CNNM3: variants seen among roughly 807,000 people sequenced by gnomAD.
CNNM3 encodes the protein cyclin and CBS domain divalent metal cation transport mediator 3, also known as metal transporter CNNM3.
CNNM3 carries 47 observed loss-of-function variants against 57.1 expected under a neutral mutation model. The observed-to-expected ratio is 0.82, with a 90% CI of 0.65 to 1.05. The LOEUF is 1.05. CNNM3 is among the 50% of genes least tolerant of loss of function. The pLI is 0.00. For synonymous variants in CNNM3, 507 were observed against 478.2 expected, an observed-to-expected ratio of 1.06 and a Z score of -0.79; for missense variants, 957 against 973.7, an observed-to-expected ratio of 0.98 and a Z score of 0.23.
rs1178013028 is a variant in CNNM3 at position 96,827,877 on chromosome 2, G to T, written c.1666G>T (p.Asp556Tyr). The T allele has an allele frequency of 6.2e-7, 1 of 1,613,660 alleles. No individual in the cohort carries two copies. ...HYLYQRSQPV[D>Y]YFILILQGRV... Reference sequence around the variant, plus strand: ...CCTGTACCAGCGCAGCCAGCCGGTGGATTACTTCATTCTCATCCTGCAGGT... The same window carrying T: ...CCTGTACCAGCGCAGCCAGCCGGTGTATTACTTCATTCTCATCCTGCAGGT... Residue 556 changes from aspartate to tyrosine, a missense_variant, in exon 4 of 8, where the codon GAT (aspartate) becomes TAT (tyrosine). By Grantham distance (160) the Asp-to-Tyr change is radical (BLOSUM62 -3). This residue lies in a region of CNNM3 where 491 missense variants were observed against 570.6 expected (regional missense o/e 0.86). Transcript: ENST00000305510.
At chr2:96,826,215 A>T (rs1006669486) in intron 2 of CNNM3, among the ~76,000 whole-genome samples, 2 of 147,476 alleles carry the variant, frequency 1.4e-5, no homozygotes, top group African/African-American at 5.0e-5. Context: ...TTATTTTTTA[A>T]TTTTTTTTTT....
downstream of CNNM3, among the ~76,000 whole-genome samples, chr2:96,835,736 G>C (rs986051121): frequency 6.6e-6 from 1 of 152,108 alleles, no homozygotes; most frequent in South Asian, 2.1e-4. Flanking sequence ...CAAAGTTCTG[G>C]GATTACAGGC....
chr2:96,826,935 C>T lies in CNNM3; in HGVS notation c.1472C>T (p.Thr491Ile). The change falls in exon 3 of 8, where the codon ACA becomes ATA. Residue 491 changes from threonine to isoleucine, a missense_variant. Transcript: ENST00000305510. ...GTGTCTGATGATGAATATAAAGTAACAATCTCGCCTCAGCTGCTCTTGGCC... is the reference window on the plus strand; with the variant it reads ...GTGTCTGATGATGAATATAAAGTAATAATCTCGCCTCAGCTGCTCTTGGCC... ...FKVSDDEYKV[T>I]ISPQLLLATQ... is the part of the protein sequence containing the mutation. 1.2e-6 allele frequency: 2 copies of T among 1,614,210 alleles called. No individual in the cohort carries two copies. Among genetic ancestry groups the T allele is most frequent in the Non-Finnish European group, 1.7e-6 (2 of 1,180,028 alleles).
chr2:96,819,227 C>T (rs1386623889), intron 1 of CNNM3, among the ~76,000 whole-genome samples: 1 of 152,128 alleles, frequency 6.6e-6, no homozygotes, highest in African/African-American at 2.4e-5. Context: ...GGTAAGTACT[C>T]CCATCTGGGC....
At position 96,817,389 on chromosome 2, in the gene CNNM3, T is replaced by A; in HGVS notation, c.1112T>A (p.Val371Glu). 6.2e-7 allele frequency: 1 copy of A among 1,614,156 alleles called. No individual in the cohort carries two copies. Among genetic ancestry groups the A allele is most frequent in the Non-Finnish European group, 8.5e-7 (1 of 1,180,030 alleles). The change falls in exon 1 of 8, where the codon GTG (valine) becomes GAG (glutamate). Residue 371 changes from valine to glutamate, a missense_variant. Coordinates refer to ENST00000305510, the MANE Select transcript of CNNM3 (RefSeq NM_017623.5). The stretch of plus-strand genomic sequence containing the variant: ...CTCTACCTCAAGGACTTGGCCTTCG[T>A]GGATCCCGAAGACTGCACGCCGCTC... Reference protein sequence around the residue: ...DMLYLKDLAFVDPEDCTPLST... With the variant: ...DMLYLKDLAFEDPEDCTPLST...
At chr2:96,831,613 C>A (rs1420527885) in intron 7 of CNNM3, among the ~76,000 whole-genome samples, 1 of 152,204 alleles carries the variant, frequency 6.6e-6, no homozygotes, top group Non-Finnish European at 1.5e-5. Context: ...GTGACAGAGA[C>A]TATATGACCT....
rs1413054953 is a variant in CNNM3 at position 96,817,050 on chromosome 2, T to C, written c.773T>C (p.Leu258Pro). The C allele has an allele frequency of 5.8e-6, 8 of 1,370,372 alleles. No individual in the cohort carries two copies. Among genetic ancestry groups the C allele is most frequent in the Non-Finnish European group, 7.5e-6 (8 of 1,061,854 alleles). 84.9% of individuals were successfully genotyped at this position (1,370,372 alleles called of 1,614,324 possible). Residue 258 changes from leucine to proline, a missense_variant, in exon 1 of 8, where the codon CTC (leucine) becomes CCC (proline). By Grantham distance (98) the Leu-to-Pro change is moderately conservative. Around this residue, in one of 2 missense-constraint regions of CNNM3, gnomAD observed 466 missense variants for 403.1 expected, o/e 1.16. Transcript: ENST00000305510. Reference protein sequence around the residue: ...TLALAPRALGLSRLAVLLTLP... With the variant: ...TLALAPRALGPSRLAVLLTLP... ...GCGCTGGCGCCGCGAGCGCTCGGCC[T>C]CAGCCGCCTGGCCGTCCTGCTCACT...
chr2:96,832,611 G>T lies in CNNM3; in HGVS notation c.2119G>T (p.Val707Phe), dbSNP rs147307623. Residue 707 changes from valine (V) to phenylalanine (F), a missense_variant, in exon 8 of 8, where the codon GTT becomes TTT. By Grantham distance (50) the Val-to-Phe change is conservative. Around this residue, in one of 2 missense-constraint regions of CNNM3, gnomAD observed 491 missense variants for 570.6 expected, o/e 0.86. Transcript: ENST00000305510. ...VEGSPGRNPGV is the reference protein window; with the variant it reads ...VEGSPGRNPGF Reference sequence around the variant, plus strand: ...AGGCAGCCCTGGGCGGAACCCAGGCGTTTAACGGCTCACTAGGCAGCCCCA... The same window carrying T: ...AGGCAGCCCTGGGCGGAACCCAGGCTTTTAACGGCTCACTAGGCAGCCCCA... 111 of 1,613,702 alleles carry T rather than the reference G, an allele frequency of 6.9e-5. No homozygotes were observed. The highest frequency in any genetic ancestry group is 7.5e-5 in the Non-Finnish European group (88 of 1,180,048).
At chr2:96,825,466 C>T (rs2079485002) in intron 2 of CNNM3, among the ~76,000 whole-genome samples, 1 of 152,238 alleles carries the variant, frequency 6.6e-6, no homozygotes, top group African/African-American at 2.4e-5. Context: ...AGCAGCAGTC[C>T]TATTAGTTTC....
In CNNM3 at chr2:96,816,350, G is replaced by A. The variant is rs757447665; in HGVS notation, c.73G>A (p.Gly25Arg). Reference sequence around the variant, plus strand: ...CGCGCTCTGCCTGGGCAACGCCGCGGGGGAGGCCGCGCCGGGCCCGCGAGT... The same window carrying A: ...CGCGCTCTGCCTGGGCAACGCCGCGAGGGAGGCCGCGCCGGGCCCGCGAGT... Reference protein sequence around the residue: ...FAALCLGNAAGEAAPGPRVLG... With the variant: ...FAALCLGNAAREAAPGPRVLG... The change falls in exon 1 of 8, where the codon GGG (glycine) becomes AGG (arginine). Residue 25 changes from glycine to arginine, a missense_variant. Transcript: ENST00000305510. 3 of 1,293,444 alleles carry A rather than the reference G, an allele frequency of 2.3e-6. No homozygotes were observed. The highest frequency in any genetic ancestry group is 2.9e-4 in the Middle Eastern group (1 of 3,506). The allele number at this position is 1,293,444 out of a possible 1,614,324, so 80.1% of individuals were successfully genotyped here.
chr2:96,828,006 A>AC, intron 4 of CNNM3, 93 bp from the exon 5 acceptor site: 1 of 1,561,092 alleles, frequency 6.4e-7, no homozygotes, highest in Admixed American at 1.7e-5. Flanking sequence ...CTCCCACCCC[A>AC]AACAATTGAG....
rs2079317915 is a variant in CNNM3 at position 96,816,442 on chromosome 2, G to C, written c.165G>C (p.Arg55=). 1 of 1,426,802 alleles carries C rather than the reference G, an allele frequency of 7.0e-7. No homozygotes were observed. Among genetic ancestry groups the C allele is most frequent in the East Asian group, 3.0e-5 (1 of 32,934 alleles). The allele number at this position is 1,426,802 out of a possible 1,614,324, so 88.4% of individuals were successfully genotyped here. ...GAGWVRGGAA[R]DTPDATFLLR... is the part of the protein sequence containing the mutation. ...GTTGGGTACGCGGAGGGGCGGCGCGGGACACGCCGGACGCCACCTTCCTCC... is the reference window on the plus strand; with the variant it reads ...GTTGGGTACGCGGAGGGGCGGCGCGCGACACGCCGGACGCCACCTTCCTCC... Residue 55 remains arginine (R), a synonymous_variant, in exon 1 of 8, where the codon CGG becomes CGC. Coordinates refer to ENST00000305510, the MANE Select transcript of CNNM3 (RefSeq NM_017623.5).
At chr2:96,827,981 A>G (rs1224300296) in intron 4 of CNNM3, 81 bp downstream of exon 4, 2 of 1,563,652 alleles carry the variant, frequency 1.3e-6, no homozygotes, top group African/African-American at 2.7e-5. Context: ...GAGCAGGGGC[A>G]TGCGGATATG....
chr2:96,832,319 G>T, intron 7 of CNNM3: 1 of 985,358 alleles, frequency 1.0e-6, no homozygotes, highest in African/African-American at 1.7e-5. Flanking sequence ...TAATGACCTG[G>T]GACCCTCGGG....
intron 2 of CNNM3, among the ~76,000 whole-genome samples, chr2:96,825,468 A>G (rs1451781746): frequency 6.6e-6 from 1 of 152,182 alleles, no homozygotes. Flanking sequence ...CAGCAGTCCT[A>G]TTAGTTTCCT....
Position 96,826,982 on chromosome 2 carries a change from G to A in CNNM3, c.1519G>A (p.Glu507Lys). Residue 507 changes from glutamate (E) to lysine (K), a missense_variant and splice_region_variant, in exon 3 of 8, where the codon GAA becomes AAA. Around this residue, in one of 2 missense-constraint regions of CNNM3, gnomAD observed 491 missense variants for 570.6 expected, o/e 0.86. Coordinates refer to ENST00000305510, the MANE Select transcript of CNNM3 (RefSeq NM_017623.5). ...LLATQRFLSR[E>K]VDVFSPLRIS... The stretch of plus-strand genomic sequence containing the variant: ...GGCCACCCAGCGCTTCCTGTCCCGA[G>A]GTGAGGCGGGAGGGTGGTCCATGCC... 2 of 1,613,696 alleles carry A rather than the reference G, an allele frequency of 1.2e-6. No homozygotes were observed. Among genetic ancestry groups the A allele is most frequent in the South Asian group, 1.1e-5 (1 of 91,080 alleles).
chr2:96,831,954 C>G, intron 7 of CNNM3: 4 of 983,970 alleles, frequency 4.1e-6, no homozygotes, highest in Non-Finnish European at 4.8e-6. Context: ...TTCTTTCTCT[C>G]TCTGCTCTCT....
intron 1 of CNNM3, among the ~76,000 whole-genome samples, chr2:96,819,989 C>T (rs1223509715): frequency 6.6e-6 from 1 of 152,184 alleles, no homozygotes; most frequent in Non-Finnish European, 1.5e-5. Flanking sequence ...TGGGAAGGAG[C>T]GCAGAGGCAG....
chr2:96,834,617 G>C lies in CNNM3; in HGVS notation c.*2001G>C, dbSNP rs1400865735. 6.7e-6 allele frequency among the ~76,000 whole-genome samples: 1 copy of C among 149,916 alleles called. No individual in the cohort carries two copies. Among genetic ancestry groups the C allele is most frequent in the Non-Finnish European group, 1.5e-5 (1 of 67,950 alleles). ...TCCTGCCTCGGCCTCCCAAAGTGTT[G>C]AGATTATAGGCGTGAGCCACCGTGC... On this transcript the variant is annotated 3_prime_UTR_variant, in exon 8 of 8. Coordinates refer to ENST00000305510, the MANE Select transcript of CNNM3 (RefSeq NM_017623.5).
Sources: gnomAD v4.1 joint callset for allele counts (sites outside exome capture counted in the v4.1 genomes callset) on GRCh38, gnomAD v4.1.1 for gene constraint, gnomAD v4.1.1 regional missense constraint, MANE v1.5 for transcripts, NCBI Gene and HGNC (gene_info 2026-07-23, HGNC 2026-07-21) for gene names.